SLC35F3: variants seen among roughly 807,000 people sequenced by gnomAD.
The protein encoded by SLC35F3 is putative thiamine transporter SLC35F3.
SLC35F3 carries 25 observed loss-of-function variants against 49.9 expected under a neutral mutation model. That is an observed-to-expected ratio of 0.50 (90% confidence interval 0.37 to 0.70). SLC35F3 has a LOEUF of 0.70. Among genes scored for constraint, SLC35F3 ranks in the 30% least tolerant of loss-of-function variants. The pLI is 0.00. For synonymous variants in SLC35F3, 275 were observed against 265.4 expected (o/e 1.04, Z -0.35); for missense variants, 525 against 639.8 (o/e 0.82, Z 1.94).
chr1:234,282,643 G>A (rs1668348338), intron 3 of SLC35F3, among the ~76,000 whole-genome samples: 1 of 152,202 alleles, frequency 6.6e-6, no homozygotes, highest in Non-Finnish European at 1.5e-5. Flanking sequence ...ATGCAAGTGT[G>A]AGCTGCTCTC....
intron 2 of SLC35F3, among the ~76,000 whole-genome samples, chr1:233,959,704 C>T (rs772247704): frequency 6.6e-6 from 1 of 152,180 alleles, no homozygotes; most frequent in African/African-American, 2.4e-5. Context: ...TTCTTATCTT[C>T]TAAGTTTCAG....
chr1:234,244,585 G>A (rs1000296721), intron 3 of SLC35F3, among the ~76,000 whole-genome samples: 1 of 151,020 alleles, frequency 6.6e-6, no homozygotes, highest in Non-Finnish European at 1.5e-5. Flanking sequence ...GAATGACAAA[G>A]TAAGTTTTAG....
chr1:233,969,062 G>GA (rs374282711), intron 2 of SLC35F3, among the ~76,000 whole-genome samples: 1 of 147,428 alleles, frequency 6.8e-6, no homozygotes, highest in Non-Finnish European at 1.5e-5. Flanking sequence ...ACATATTTTG[G>GA]GGGGGGGGAC....
chr1:234,018,177 G>T (rs1414223466), intron 2 of SLC35F3, among the ~76,000 whole-genome samples: 3 of 152,162 alleles, frequency 2.0e-5, no homozygotes, highest in African/African-American at 7.2e-5. Context: ...TTGATCTGGG[G>T]ATAGACATAA....
At chr1:234,054,910 C>T (rs767396300) in intron 2 of SLC35F3, among the ~76,000 whole-genome samples, 4 of 152,208 alleles carry the variant, frequency 2.6e-5, no homozygotes, top group Non-Finnish European at 4.4e-5. Context: ...TGGAGGTCCA[C>T]TCCAGATGCT....
intron 2 of SLC35F3, among the ~76,000 whole-genome samples, chr1:234,190,021 G>T (rs1666707841): frequency 6.6e-6 from 1 of 152,090 alleles, no homozygotes; most frequent in African/African-American, 2.4e-5. Context: ...CACACTAAGA[G>T]AATTCATCAC....
chr1:234,098,188 G>A (rs959656867), intron 2 of SLC35F3, among the ~76,000 whole-genome samples: 9 of 151,274 alleles, frequency 5.9e-5, no homozygotes, highest in African/African-American at 2.2e-4. Context: ...TGGTGACTGT[G>A]TTGGTGGTGA....
intron 2 of SLC35F3, among the ~76,000 whole-genome samples, chr1:234,146,522 G>A (rs1175182118): frequency 1.2e-5 from 1 of 86,572 alleles, no homozygotes; most frequent in Non-Finnish European, 1.9e-5. Context: ...ACGGAGTTTC[G>A]CTCTTGTTGC....
At chr1:234,091,233 C>G (rs977053539) in intron 2 of SLC35F3, among the ~76,000 whole-genome samples, 1 of 152,132 alleles carries the variant, frequency 6.6e-6, no homozygotes, top group African/African-American at 2.4e-5. Flanking sequence ...AGTCCTCACT[C>G]TATCCCCTAG....
intron 2 of SLC35F3, among the ~76,000 whole-genome samples, chr1:234,038,001 T>C (rs1664168850): frequency 7.1e-6 from 1 of 140,012 alleles, no homozygotes; most frequent in Non-Finnish European, 1.5e-5. Context: ...TTAGGGTACA[T>C]GTGCACAATA....
chr1:234,007,061 CGGAT>C, intron 2 of SLC35F3, among the ~76,000 whole-genome samples: 1 of 152,072 alleles, frequency 6.6e-6, no homozygotes, highest in East Asian at 1.9e-4. Context: ...CAGCCATAGA[CGGAT>C]GGACCTGGTT....
At chr1:234,226,816 G>A (rs779254804) in intron 2 of SLC35F3, among the ~76,000 whole-genome samples, 5 of 152,090 alleles carry the variant, frequency 3.3e-5, no homozygotes, top group Admixed American at 6.6e-5. Flanking sequence ...TGCAGGTGGC[G>A]GGTTTATTGC....
At chr1:234,187,026 GCCAGACCT>G (rs1464434003) in intron 2 of SLC35F3, among the ~76,000 whole-genome samples, 1 of 152,098 alleles carries the variant, frequency 6.6e-6, no homozygotes, top group Non-Finnish European at 1.5e-5. Context: ...CCCTTGCACA[GCCAGACCT>G]CCTGGCTCTG....
chr1:234,186,419 G>A (rs1222011749), intron 2 of SLC35F3, among the ~76,000 whole-genome samples: 1 of 152,234 alleles, frequency 6.6e-6, no homozygotes. Context: ...TGGATGCGTA[G>A]CAAACCCTGA....
At chr1:234,018,478 T>G (rs73100467) in intron 2 of SLC35F3, among the ~76,000 whole-genome samples, 4,774 of 152,270 alleles carry the variant, frequency 0.031, 276 homozygotes, top group African/African-American at 0.11. Context: ...CTCCTGCTTC[T>G]CCTTCCTTTT....
intron 2 of SLC35F3, among the ~76,000 whole-genome samples, chr1:234,031,660 T>C (rs1440811745): frequency 2.0e-5 from 3 of 152,168 alleles, no homozygotes; most frequent in Non-Finnish European, 4.4e-5. Context: ...TCCCCCTGCC[T>C]TGGCCTCCCA....
intron 2 of SLC35F3, among the ~76,000 whole-genome samples, chr1:234,078,136 C>T (rs1664824275): frequency 6.6e-6 from 1 of 152,202 alleles, no homozygotes; most frequent in Admixed American, 6.5e-5. Flanking sequence ...CATCTCTCTG[C>T]CCCTGTGCAT....
rs1450566687 is a variant in SLC35F3, at chr1:234,027,796, G to A, written c.283+122038G>A. 6.6e-6 allele frequency among the ~76,000 whole-genome samples: 1 copy of A among 152,192 alleles called. No individual in the cohort carries two copies. The highest frequency in any genetic ancestry group is 1.5e-5 in the Non-Finnish European group (1 of 68,036). On this transcript the variant is annotated intron_variant, in intron 2 of 7. Coordinates refer to ENST00000366618, the MANE Select transcript of SLC35F3 (RefSeq NM_173508.4). This position sits in a 1 kb window ranked among gnomAD's most constrained non-coding sequence, Gnocchi z 4.1. ...CCAGTTTAGCACTGGGTATTTAGCA[G>A]GGAACACAATGAACCATTTCCACAC...
intron 2 of SLC35F3, among the ~76,000 whole-genome samples, chr1:234,177,112 G>A (rs1233963144): frequency 1.3e-5 from 2 of 152,176 alleles, no homozygotes; most frequent in African/African-American, 4.8e-5. Context: ...TCTCATGAGA[G>A]TGAATGAGTC....
Sources: allele counts gnomAD v4.1 joint callset (sites outside exome capture counted in the v4.1 genomes callset), GRCh38; gene constraint gnomAD v4.1.1; non-coding constraint Gnocchi (gnomAD v3.1); transcripts MANE v1.5; gene names NCBI Gene and HGNC (gene_info 2026-07-23, HGNC 2026-07-21).